Variants in MTA3 observed in about 807,000 individuals in gnomAD.
MTA3 encodes metastasis associated 1 family member 3.
In MTA3, 34 loss-of-function variants were observed where a neutral mutation model predicts 83.5. That is an observed-to-expected ratio of 0.41 (90% CI 0.31 to 0.54). The LOEUF (loss-of-function observed/expected upper bound fraction) is 0.54, where lower values mean the gene tolerates loss of function less well. Ranked by LOEUF, MTA3 falls within the 20% of genes least tolerant of loss-of-function variation. The pLI, the probability that MTA3 is intolerant of heterozygous loss-of-function variation, is 0.33. For missense variants in MTA3, 761 were observed against 726.4 expected (o/e 1.05, Z -0.55); for synonymous variants, 303 against 252.7 (o/e 1.20, Z -1.89).
intron 2 of MTA3, among the ~76,000 whole-genome samples, chr2:42,523,046 G>C (rs1400465918): frequency 6.6e-6 from 1 of 152,004 alleles, no homozygotes. Context: ...CTGGGCTCAA[G>C]AGATCCTCCC....
At chr2:42,668,896 C>T (rs755096437) in intron 8 of MTA3, among the ~76,000 whole-genome samples, 1 of 151,936 alleles carries the variant, frequency 6.6e-6, no homozygotes, top group South Asian at 2.1e-4. Context: ...TTAGAAAAGA[C>T]AATTTATTTT....
At chr2:42,508,866 TATA>T (rs1674767495) in intron 2 of MTA3, among the ~76,000 whole-genome samples, 1 of 147,008 alleles carries the variant, frequency 6.8e-6, no homozygotes, top group Non-Finnish European at 1.5e-5. Context: ...AAATATATTA[TATA>T]ATATATTATA....
chr2:42,583,319 G>A (rs914372324), intron 3 of MTA3, among the ~76,000 whole-genome samples: 1 of 152,152 alleles, frequency 6.6e-6, no homozygotes, highest in African/African-American at 2.4e-5. Flanking sequence ...GGAGTTAGAT[G>A]TATCTTACTG....
intron 14 of MTA3, among the ~76,000 whole-genome samples, chr2:42,716,386 C>G (rs1667033160): frequency 6.6e-6 from 1 of 152,116 alleles, no homozygotes; most frequent in Non-Finnish European, 1.5e-5. Context: ...TATAGGTAAA[C>G]TTGTGTCAAG....
intron 2 of MTA3, among the ~76,000 whole-genome samples, chr2:42,528,179 C>T (rs548507406): frequency 1.7e-4 from 26 of 152,172 alleles, no homozygotes; most frequent in African/African-American, 6.0e-4. Context: ...CCCGCCTCGG[C>T]CTCCCTAAGT....
intron 3 of MTA3, among the ~76,000 whole-genome samples, chr2:42,608,118 G>A (rs959782767): frequency 9.2e-5 from 14 of 152,208 alleles, no homozygotes; most frequent in African/African-American, 3.1e-4. Context: ...CCAAGGGATC[G>A]TATAAGAACG....
intron 3 of MTA3, among the ~76,000 whole-genome samples, chr2:42,595,389 C>G (rs1320983744): frequency 4.6e-5 from 7 of 151,988 alleles, no homozygotes; most frequent in Non-Finnish European, 2.9e-5. Context: ...GGATTACAGA[C>G]GTGAGCCACT....
At chr2:42,611,957 A>G (rs773624746) in intron 4 of MTA3, among the ~76,000 whole-genome samples, 6 of 152,146 alleles carry the variant, frequency 3.9e-5, no homozygotes, top group Non-Finnish European at 5.9e-5. Context: ...GCTTTCTGCT[A>G]TGGCCTGCTA....
At chr2:42,585,538 A>C (rs1558461369) in intron 3 of MTA3, among the ~76,000 whole-genome samples, 1 of 145,974 alleles carries the variant, frequency 6.9e-6, no homozygotes, top group Non-Finnish European at 1.5e-5. Context: ...GCAGTGGTGC[A>C]ATCTCAGCTC....
intron 7 of MTA3, among the ~76,000 whole-genome samples, chr2:42,657,492 T>C (rs1443239498): frequency 2.0e-5 from 3 of 152,224 alleles, no homozygotes; most frequent in Non-Finnish European, 4.4e-5. Flanking sequence ...TTAGGAGACA[T>C]TGCCATTTTC....
rs559813568 is a variant in MTA3, at chr2:42,523,646, C to T, written c.-141+28392C>T. ...AGTAACTTATGGCTGGGTGCAGTGG[C>T]GCATGCTTGTAACCCCAGCACTTTG... On this transcript the variant is annotated intron_variant, in intron 2 of 17. Transcript: ENST00000405592. Among the ~76,000 whole-genome samples the T allele has an allele frequency of 3.3e-5, 5 of 152,204 alleles. No individual in the cohort carries two copies. In the East Asian group the frequency reaches 9.6e-4, roughly 29 times the overall value.
Position 42,584,786 on chromosome 2 carries a change from G to A in MTA3, c.190+5586G>A, listed in dbSNP as rs185069969. ...GGAGACTGAGGCAGGAGGATTGCTT[G>A]AGCCCAGGAGATTGAGGCTGCAGTG... On this transcript the variant is annotated intron_variant, in intron 3 of 16. Coordinates refer to ENST00000405094, the MANE Select transcript of MTA3 (RefSeq NM_001330442.2). 2.0e-5 allele frequency among the ~76,000 whole-genome samples: 3 copies of A among 152,182 alleles called. No homozygotes were observed. The East Asian group carries it at 5.8e-4, about 29-fold the overall frequency.
At chr2:42,526,237 G>A in intron 2 of MTA3, among the ~76,000 whole-genome samples, 1 of 150,392 alleles carries the variant, frequency 6.6e-6, no homozygotes, top group South Asian at 2.1e-4. Flanking sequence ...GTTTTGTTTA[G>A]TTTTTGTTTT....
chr2:42,527,658 T>A (rs11691488), intron 2 of MTA3, among the ~76,000 whole-genome samples: 58,649 of 151,702 alleles, frequency 0.39, 11,606 homozygotes, highest in Middle Eastern at 0.51. Context: ...ATAATTTTTT[T>A]AATTAAATAT....
intron 2 of MTA3, among the ~76,000 whole-genome samples, chr2:42,523,289 A>C (rs943199250): frequency 3.9e-5 from 6 of 152,118 alleles, no homozygotes; most frequent in African/African-American, 1.2e-4. Flanking sequence ...CAGTTATAGC[A>C]AGGCTGCATG....
At chr2:42,520,766 A>C (rs373217100) in intron 2 of MTA3, among the ~76,000 whole-genome samples, 1 of 151,844 alleles carries the variant, frequency 6.6e-6, no homozygotes, top group East Asian at 1.9e-4. Flanking sequence ...GGGTCTCCCT[A>C]TGTTGCCCGG....
chr2:42,590,868 G>T (rs941949752), intron 3 of MTA3, among the ~76,000 whole-genome samples: 1 of 151,930 alleles, frequency 6.6e-6, no homozygotes, highest in African/African-American at 2.4e-5. Flanking sequence ...TGATCTGCCC[G>T]CCTGTTTGCT....
At chr2:42,566,933 T>C (rs903390876), upstream of MTA3, among the ~76,000 whole-genome samples, 2 of 152,236 alleles carry the variant, frequency 1.3e-5, no homozygotes, top group Non-Finnish European at 2.9e-5. Flanking sequence ...AGGTGAATTA[T>C]TCAACCCTAT....
chr2:42,658,747 G>A (rs1689404446), intron 7 of MTA3, among the ~76,000 whole-genome samples: 1 of 152,004 alleles, frequency 6.6e-6, no homozygotes, highest in Non-Finnish European at 1.5e-5. Context: ...TTTTCAACAT[G>A]TTTGTTGTAT....
Sources: gnomAD v4.1 joint callset for allele counts (sites outside exome capture counted in the v4.1 genomes callset) on GRCh38, gnomAD v4.1.1 for gene constraint, MANE v1.5 for transcripts, NCBI Gene and HGNC (gene_info 2026-07-23, HGNC 2026-07-21) for gene names.